Variants in RAB6A observed in about 807,000 individuals in gnomAD.
RAB6A encodes the protein ras-related protein Rab-6A.
A neutral mutation model predicts 32.3 loss-of-function variants in RAB6A; 8 were observed. The observed-to-expected ratio is 0.25, with a 90% CI of 0.15 to 0.45. The LOEUF (loss-of-function observed/expected upper bound fraction) is 0.45, where lower values mean the gene tolerates loss of function less well. Ranked by LOEUF, RAB6A falls within the 20% of genes least tolerant of loss-of-function variation. RAB6A has a pLI of 1.00. For missense variants in RAB6A, 104 were observed against 249.4 expected, an observed-to-expected ratio of 0.42 and a Z score of 3.93; for synonymous variants, 73 against 82.1, an observed-to-expected ratio of 0.89 and a Z score of 0.60.
rs1945280705 is a variant in RAB6A at position 73,677,142 on chromosome 11, A to G, written c.*756T>C. ...TTAATTTTCTCTCCCAGAGTCTAATAAAGCACATGTGAAAGAGCCATTTGT... is the reference window on the plus strand; with the variant it reads ...TTAATTTTCTCTCCCAGAGTCTAATGAAGCACATGTGAAAGAGCCATTTGT... On this transcript the variant is annotated 3_prime_UTR_variant, in exon 8 of 8. Transcript: ENST00000336083. 2 of 167,132 alleles carry G rather than the reference A, an allele frequency of 1.2e-5. No homozygotes were observed. The allele number at this position is 167,132 out of a possible 1,614,324, so 10.4% of individuals were successfully genotyped here. A position where few individuals can be genotyped will look rare whatever the true frequency, so the allele number is the denominator to read the frequency against.
At chr11:73,734,385 C>A (rs990657753) in intron 1 of RAB6A, among the ~76,000 whole-genome samples, 46 of 152,222 alleles carry the variant, frequency 3.0e-4, no homozygotes, top group Admixed American at 2.7e-3. Context: ...CTCAGCCCCC[C>A]AAAGAGCTGG....
chr11:73,679,535 C>T, intron 7 of RAB6A, 119 bp downstream of exon 7: 2 of 1,290,180 alleles, frequency 1.6e-6, no homozygotes, highest in Non-Finnish European at 2.2e-6. Context: ...ATTTCTATGC[C>T]TTTAAGTCAT....
chr11:73,691,008 C>T (rs748984929), intron 6 of RAB6A, among the ~76,000 whole-genome samples: 5 of 76,252 alleles, frequency 6.6e-5, no homozygotes, highest in East Asian at 3.9e-4. Context: ...TCTCCAAAGG[C>T]GGGGTTTTTC....
At chr11:73,718,857 C>T in intron 3 of RAB6A, 139 bp from the exon 4 acceptor site, 1 of 1,613,846 alleles carries the variant, frequency 6.2e-7, no homozygotes, top group Non-Finnish European at 8.5e-7. Context: ...CGGAAACGTT[C>T]CTGACCCGCA....
intron 3 of RAB6A, among the ~76,000 whole-genome samples, chr11:73,719,768 A>G (rs1360206363): frequency 6.6e-6 from 1 of 151,894 alleles, no homozygotes; most frequent in Non-Finnish European, 1.5e-5. Context: ...GGCGCCCGCC[A>G]CCACGCCCAG....
At chr11:73,684,953 T>C (rs1945418732) in intron 6 of RAB6A, among the ~76,000 whole-genome samples, 1 of 152,264 alleles carries the variant, frequency 6.6e-6, no homozygotes, top group Non-Finnish European at 1.5e-5. Context: ...AATAGTAGTT[T>C]GCTCTCAGAC....
intron 1 of RAB6A, among the ~76,000 whole-genome samples, chr11:73,737,753 G>C (rs1197897710): frequency 2.0e-5 from 3 of 152,062 alleles, no homozygotes; most frequent in African/African-American, 7.2e-5. Flanking sequence ...CCAGCACTTT[G>C]GGAGGCCAAG....
At chr11:73,739,283 AAATATAT>A (rs1946454995) in intron 1 of RAB6A, among the ~76,000 whole-genome samples, 1 of 40,866 alleles carries the variant, frequency 2.4e-5, no homozygotes, top group Non-Finnish European at 5.0e-5. Flanking sequence ...AAAAAAAAAA[AAATATAT>A]ATATATATAT....
rs148195750 is a variant in RAB6A at position 73,745,537 on chromosome 11, G to C, written c.71-14714C>G. Reference sequence around the variant, plus strand: ...AAGCAGGTGGATCACTTGAGGTCGGGAGTTTGAGACCAGCCTGACCAACAT... The same window carrying C: ...AAGCAGGTGGATCACTTGAGGTCGGCAGTTTGAGACCAGCCTGACCAACAT... On this transcript the variant is annotated intron_variant, in intron 1 of 7. Transcript: ENST00000336083. 3.9e-3 allele frequency among the ~76,000 whole-genome samples: 595 copies of C among 152,276 alleles called. 5 individuals carry two copies. Among genetic ancestry groups the C allele is most frequent in the Non-Finnish European group, 6.2e-3 (424 of 68,022 alleles).
chr11:73,707,597 T>C, intron 5 of RAB6A, 84 bp from the exon 6 acceptor site: 1 of 1,013,936 alleles, frequency 9.9e-7, no homozygotes, highest in Non-Finnish European at 1.5e-6. Flanking sequence ...AAAATAACTT[T>C]CCTTGATATA....
intron 1 of RAB6A, among the ~76,000 whole-genome samples, chr11:73,753,763 T>C (rs918364605): frequency 6.6e-5 from 10 of 151,696 alleles, no homozygotes; most frequent in African/African-American, 2.2e-4. Context: ...TCTGCCCACC[T>C]AGGCCTCCCA....
intron 1 of RAB6A, among the ~76,000 whole-genome samples, chr11:73,756,538 A>G (rs1946753506): frequency 6.6e-6 from 1 of 152,244 alleles, no homozygotes; most frequent in Non-Finnish European, 1.5e-5. Flanking sequence ...ATAATTGGTA[A>G]CATGTATATA....
At chr11:73,725,785 A>T (rs553823649) in intron 2 of RAB6A, among the ~76,000 whole-genome samples, 269 of 152,330 alleles carry the variant, frequency 1.8e-3, no homozygotes, top group Non-Finnish European at 2.3e-3. Context: ...CTAGAAAGTT[A>T]AAGAATTTCC....
intron 6 of RAB6A, among the ~76,000 whole-genome samples, chr11:73,689,202 C>T (rs1238116952): frequency 1.3e-5 from 2 of 152,124 alleles, no homozygotes; most frequent in Non-Finnish European, 2.9e-5. Context: ...CTTTTTGGCA[C>T]CAGGGACCGG....
intron 6 of RAB6A, among the ~76,000 whole-genome samples, chr11:73,707,028 G>T (rs553792789): frequency 4.8e-4 from 73 of 151,294 alleles, no homozygotes; most frequent in African/African-American, 1.7e-3. Context: ...TGAGGCAGGA[G>T]AGCTGCTTGA....
chr11:73,755,769 A>T (rs1946738595), intron 1 of RAB6A, among the ~76,000 whole-genome samples: 1 of 149,458 alleles, frequency 6.7e-6, no homozygotes, highest in Non-Finnish European at 1.5e-5. Context: ...GGAAGAGGAA[A>T]GGAGGAAGGA....
chr11:73,738,968 A>G (rs1211183439), intron 1 of RAB6A, among the ~76,000 whole-genome samples: 2 of 150,656 alleles, frequency 1.3e-5, no homozygotes, highest in Non-Finnish European at 3.0e-5. Context: ...AAACTAAACT[A>G]AACTAAACTA....
intron 6 of RAB6A, among the ~76,000 whole-genome samples, chr11:73,689,293 T>C (rs1945507789): frequency 6.6e-6 from 1 of 152,190 alleles, no homozygotes; most frequent in South Asian, 2.1e-4. Context: ...TTTTCAGGCA[T>C]TACTTAGATT....
intron 6 of RAB6A, among the ~76,000 whole-genome samples, chr11:73,690,915 C>T (rs540728774): frequency 1.8e-4 from 26 of 148,520 alleles, no homozygotes; most frequent in African/African-American, 5.9e-4. Context: ...ACCCAAAACA[C>T]GAACAGCCGC....
Sources: allele counts gnomAD v4.1 joint callset (sites outside exome capture counted in the v4.1 genomes callset), GRCh38; gene constraint gnomAD v4.1.1; transcripts MANE v1.5; gene names NCBI Gene and HGNC (gene_info 2026-07-23, HGNC 2026-07-21).